PILRA: variants seen among roughly 807,000 people sequenced by gnomAD.
The protein encoded by PILRA is paired immunoglobin like type 2 receptor alpha.
In PILRA, 37 loss-of-function variants were observed where a neutral mutation model predicts 33.1. The observed-to-expected ratio is 1.12, with a 90% CI of 0.86 to 1.47. PILRA has a LOEUF of 1.47. Among genes scored for constraint, PILRA ranks in the 40% most tolerant of loss-of-function variants. The probability of loss-of-function intolerance (pLI) is 0.00; values close to 1 mark genes in which losing one functional copy is unlikely to be tolerated. For missense variants in PILRA, 312 were observed against 376.2 expected, an observed-to-expected ratio of 0.83 and a Z score of 1.41; for synonymous variants, 146 against 149.9, an observed-to-expected ratio of 0.97 and a Z score of 0.19.
chr7:100,386,087 G>A (rs1163415277), intron 2 of PILRA, among the ~76,000 whole-genome samples: 1 of 151,866 alleles, frequency 6.6e-6, no homozygotes, highest in African/African-American at 2.4e-5. Flanking sequence ...GTGTCACCAT[G>A]CCCACCTAAT....
chr7:100,375,728 C>T (rs6965207), intron 2 of PILRA, among the ~76,000 whole-genome samples: 24,835 of 147,596 alleles, frequency 0.17, 2,164 homozygotes, highest in Non-Finnish European at 0.19. Flanking sequence ...TGAGACTCCG[C>T]CTCAAACAAA....
intron 3 of PILRA, among the ~76,000 whole-genome samples, chr7:100,394,542 C>T (rs530116270): frequency 3.7e-4 from 51 of 136,320 alleles, no homozygotes; most frequent in Non-Finnish European, 6.5e-4. Context: ...TGCAGTGAGC[C>T]GAGATTGTGC....
intron 2 of PILRA, chr7:100,374,735 A>G: frequency 2.3e-6 from 1 of 440,400 alleles, no homozygotes; most frequent in South Asian, 2.1e-5. Flanking sequence ...CTTTCTCCAA[A>G]ATGAGGCTCC....
chr7:100,384,703 G>T (rs1197841197), intron 2 of PILRA, among the ~76,000 whole-genome samples: 1 of 152,094 alleles, frequency 6.6e-6, no homozygotes, highest in Non-Finnish European at 1.5e-5. Flanking sequence ...TGGGAAGATC[G>T]CTTGAGCCCA....
chr7:100,379,025 G>A (rs745604248), intron 2 of PILRA, among the ~76,000 whole-genome samples: 14 of 150,452 alleles, frequency 9.3e-5, no homozygotes, highest in East Asian at 2.0e-4. Flanking sequence ...CCCAGGAGGC[G>A]GAGCTTGCAG....
intron 2 of PILRA, among the ~76,000 whole-genome samples, chr7:100,389,592 TGGAA>T (rs1204678724): frequency 6.8e-5 from 7 of 103,364 alleles, no homozygotes; most frequent in Non-Finnish European, 1.4e-4. Flanking sequence ...AAGGAAGAAA[TGGAA>T]GGAAGGAAGA....
intron 4 of PILRA, 46 bp from the exon 5 acceptor site, chr7:100,399,245 A>G: frequency 1.3e-6 from 2 of 1,487,178 alleles, no homozygotes. Flanking sequence ...CATGTCTTAA[A>G]ATGCCCAACC....
chr7:100,389,833 C>A, intron 2 of PILRA, 55 bp from the exon 3 acceptor site: 1 of 1,496,740 alleles, frequency 6.7e-7, no homozygotes, highest in African/African-American at 1.4e-5. Context: ...ACGCCTTTCA[C>A]CCAGACACCC....
Position 100,390,115 on chromosome 7 carries a change from C to G in PILRA, c.673+9C>G, listed in dbSNP as rs1175784452. 3 of 1,610,070 alleles carry G rather than the reference C, an allele frequency of 1.9e-6. No individual in the cohort carries two copies. Among genetic ancestry groups the G allele is most frequent in the South Asian group, 1.1e-5 (1 of 90,938 alleles). On this transcript the variant is annotated intron_variant, in intron 3 of 6. Transcript: ENST00000198536. Reference sequence around the variant, plus strand: ...GTGGAGGAGAAGGAAAGGTAAGTGCCCAGGACCCGCCCTCTCCCCAAGCCT... The same window carrying G: ...GTGGAGGAGAAGGAAAGGTAAGTGCGCAGGACCCGCCCTCTCCCCAAGCCT...
chr7:100,397,917 G>A lies in PILRA; in HGVS notation c.707+5G>A. Reference sequence around the variant, plus strand: ...TAAAGCCACAACCCCAGCCAGGTGAGTGCTGGGCCTCCCCAGGGTGGGTTG... The same window carrying A: ...TAAAGCCACAACCCCAGCCAGGTGAATGCTGGGCCTCCCCAGGGTGGGTTG... On this transcript the variant is annotated splice_donor_5th_base_variant and intron_variant, in intron 4 of 6. Transcript: ENST00000198536. 6.2e-7 allele frequency: 1 copy of A among 1,613,842 alleles called. No homozygotes were observed.
chr7:100,386,081 C>T (rs1290813236), intron 2 of PILRA, among the ~76,000 whole-genome samples: 2 of 152,190 alleles, frequency 1.3e-5, no homozygotes, highest in Non-Finnish European at 2.9e-5. Flanking sequence ...AAGCACGTGT[C>T]ACCATGCCCA....
At chr7:100,374,630 TC>T in intron 2 of PILRA, 197 bp downstream of exon 2, 1 of 652,594 alleles carries the variant, frequency 1.5e-6, no homozygotes, top group Non-Finnish European at 2.7e-6. Flanking sequence ...TGATCTGCTT[TC>T]CCCAACCATC....
At chr7:100,382,427 G>C (rs968561047) in intron 2 of PILRA, among the ~76,000 whole-genome samples, 4 of 152,194 alleles carry the variant, frequency 2.6e-5, no homozygotes, top group African/African-American at 9.7e-5. Context: ...TCACCACTCT[G>C]TATCTAGCTC....
At chr7:100,398,638 C>T (rs911932755) in intron 4 of PILRA, among the ~76,000 whole-genome samples, 3 of 152,212 alleles carry the variant, frequency 2.0e-5, no homozygotes, top group African/African-American at 4.8e-5. Flanking sequence ...CTGAAATTCA[C>T]GCAATTGTTT....
intron 2 of PILRA, among the ~76,000 whole-genome samples, chr7:100,384,428 A>AC (rs1791209855): frequency 6.7e-6 from 1 of 150,372 alleles, no homozygotes; most frequent in African/African-American, 2.5e-5. Flanking sequence ...AAAAAAAAAA[A>AC]ATTTTTTTTT....
chr7:100,376,740 G>A (rs1172721854), intron 2 of PILRA, among the ~76,000 whole-genome samples: 4 of 138,964 alleles, frequency 2.9e-5, no homozygotes, highest in African/African-American at 1.1e-4. Flanking sequence ...GGGATTACAG[G>A]TGTGAGCCAC....
chr7:100,398,028 T>C (rs1791536192), intron 4 of PILRA, 116 bp downstream of exon 4: 1 of 1,002,416 alleles, frequency 1.0e-6, no homozygotes, highest in Non-Finnish European at 1.6e-6. Context: ...GCCACGGCCA[T>C]TGTTGCATCC....
intron 3 of PILRA, among the ~76,000 whole-genome samples, 162 bp from the exon 4 acceptor site, chr7:100,397,717 G>A (rs568796093): frequency 7.1e-4 from 108 of 152,244 alleles, no homozygotes; most frequent in African/African-American, 2.2e-3. Flanking sequence ...AGACCTCAGG[G>A]TGCCGGCTGA....
At chr7:100,379,546 T>C in intron 2 of PILRA, among the ~76,000 whole-genome samples, 1 of 151,670 alleles carries the variant, frequency 6.6e-6, no homozygotes. Context: ...CACGCGCCTG[T>C]AGTCCCAGCT....
Sources: gnomAD v4.1 joint callset for allele counts (sites outside exome capture counted in the v4.1 genomes callset) on GRCh38, gnomAD v4.1.1 for gene constraint, MANE v1.5 for transcripts, NCBI Gene and HGNC (gene_info 2026-07-23, HGNC 2026-07-21) for gene names.